The following EBF3 variants were observed in gnomAD, a reference collection of about 807,000 sequenced individuals.
The protein encoded by EBF3 is EBF transcription factor 3.
EBF3 carries 18 observed loss-of-function variants against 77.1 expected under a neutral mutation model. The observed-to-expected ratio is 0.23, with a 90% confidence interval of 0.16 to 0.35. The LOEUF (loss-of-function observed/expected upper bound fraction) is 0.35. Among genes scored for constraint, EBF3 ranks in the 10% least tolerant of loss-of-function variants. EBF3 has a pLI of 1.00. For synonymous variants in EBF3, 350 were observed against 343.5 expected, an observed-to-expected ratio of 1.02 and a Z score of -0.21; for missense variants, 558 against 860.0, an observed-to-expected ratio of 0.65 and a Z score of 4.39.
At chr10:129,900,842 G>A (rs1423752775) in intron 6 of EBF3, among the ~76,000 whole-genome samples, 2 of 152,332 alleles carry the variant, frequency 1.3e-5, no homozygotes, top group African/African-American at 2.4e-5. Flanking sequence ...CCATGGGAGG[G>A]CACCTCAGAG....
intron 6 of EBF3, among the ~76,000 whole-genome samples, chr10:129,888,088 GAGA>G (rs1296412276): frequency 6.6e-6 from 1 of 152,224 alleles, no homozygotes; most frequent in African/African-American, 2.4e-5. Context: ...CTTGCACAGG[GAGA>G]AGAACAGTTT....
At chr10:129,951,474 G>C (rs1425048513) in intron 6 of EBF3, among the ~76,000 whole-genome samples, 1 of 152,252 alleles carries the variant, frequency 6.6e-6, no homozygotes, top group Non-Finnish European at 1.5e-5. Flanking sequence ...GCAGGGCCTG[G>C]GGAAGGCAAC....
chr10:129,840,152 G>A, intron 15 of EBF3, 93 bp downstream of exon 15: 3 of 1,439,626 alleles, frequency 2.1e-6, no homozygotes, highest in Non-Finnish European at 1.9e-6. Context: ...CAGTCACAGA[G>A]GTGCCAGGAG....
At chr10:129,868,904 C>T (rs886588591) in intron 8 of EBF3, among the ~76,000 whole-genome samples, 1 of 152,224 alleles carries the variant, frequency 6.6e-6, no homozygotes, top group Non-Finnish European at 1.5e-5. Context: ...GCCAAAGCCT[C>T]GGAGCCTGTC....
At chr10:129,895,970 T>C (rs1191058947) in intron 6 of EBF3, among the ~76,000 whole-genome samples, 1 of 152,244 alleles carries the variant, frequency 6.6e-6, no homozygotes. Context: ...GAAGAAATGC[T>C]GTACAGGTTT....
chr10:129,961,348 G>A (rs576432473), intron 4 of EBF3, among the ~76,000 whole-genome samples: 45 of 152,228 alleles, frequency 3.0e-4, no homozygotes, highest in African/African-American at 9.4e-4. Context: ...GGGGCGGGGG[G>A]AAATCTTTAA....
At chr10:129,883,844 G>C (rs1157469621) in intron 6 of EBF3, among the ~76,000 whole-genome samples, 1 of 152,182 alleles carries the variant, frequency 6.6e-6, no homozygotes, top group Non-Finnish European at 1.5e-5. Flanking sequence ...AGATGGTGGT[G>C]ATGGTTGCAC....
At chr10:129,868,917 C>T (rs1852219195) in intron 8 of EBF3, among the ~76,000 whole-genome samples, 1 of 152,246 alleles carries the variant, frequency 6.6e-6, no homozygotes, top group Non-Finnish European at 1.5e-5. Flanking sequence ...AGCCTGTCAC[C>T]TGCAGGGCTT....
intron 6 of EBF3, among the ~76,000 whole-genome samples, chr10:129,903,282 A>G (rs537316592): frequency 1.3e-5 from 2 of 152,340 alleles, no homozygotes; most frequent in Admixed American, 1.3e-4. Context: ...TTTCCAAAGT[A>G]ATATTATTTT....
At chr10:129,890,284 A>C (rs1366043178) in intron 6 of EBF3, among the ~76,000 whole-genome samples, 2 of 152,174 alleles carry the variant, frequency 1.3e-5, no homozygotes, top group African/African-American at 4.8e-5. Context: ...GGTACAAGTG[A>C]CCCTGAACTG....
chr10:129,908,337 T>C (rs1298478408), intron 6 of EBF3, among the ~76,000 whole-genome samples: 1 of 152,196 alleles, frequency 6.6e-6, no homozygotes, highest in East Asian at 1.9e-4. Context: ...AGTGGACAAT[T>C]ACTATTGGCA....
chr10:129,862,291 T>G (rs1020696055), intron 10 of EBF3, among the ~76,000 whole-genome samples: 3 of 152,210 alleles, frequency 2.0e-5, no homozygotes, highest in Non-Finnish European at 2.9e-5. Flanking sequence ...ATCACTTTTA[T>G]GTTCCCATCT....
intron 6 of EBF3, among the ~76,000 whole-genome samples, chr10:129,880,813 C>T (rs927576275): frequency 6.6e-6 from 1 of 152,218 alleles, no homozygotes; most frequent in Admixed American, 6.5e-5. Context: ...TAGTTTTGGT[C>T]ATGTCTGAGT....
In EBF3 at chr10:129,877,632, C is replaced by G. The variant is rs1001589182; in HGVS notation, c.636+136G>C. ...AAGCATTTTATTTGCATATTTTTAT[C>G]AAATGCACCAATTCCAGTTTGCTTC... is the stretch of plus-strand genomic sequence containing the variant. On this transcript the variant is annotated intron_variant, in intron 7 of 16. Transcript: ENST00000440978. The G allele has an allele frequency of 4.5e-6, 3 of 660,408 alleles. No individual in the cohort carries two copies. The African/African-American group carries it at 5.5e-5, about 12-fold the overall frequency. 40.9% of individuals were successfully genotyped at this position (660,408 alleles called of 1,614,324 possible). A position where few individuals can be genotyped will look rare whatever the true frequency, so the allele number is the denominator to read the frequency against.
chr10:129,959,531 G>T (rs887359331), intron 4 of EBF3, among the ~76,000 whole-genome samples: 3 of 151,932 alleles, frequency 2.0e-5, no homozygotes, highest in Non-Finnish European at 2.9e-5. Flanking sequence ...GCCAAGGGCC[G>T]AGGGCCGCGC....
At chr10:129,941,052 G>C (rs1390991759) in intron 6 of EBF3, among the ~76,000 whole-genome samples, 1 of 152,204 alleles carries the variant, frequency 6.6e-6, no homozygotes, top group Non-Finnish European at 1.5e-5. Context: ...ACGTGAGGGA[G>C]AGCCCGCCCA....
chr10:129,902,471 C>T (rs11017007), intron 6 of EBF3, among the ~76,000 whole-genome samples: 85,044 of 151,462 alleles, frequency 0.56, 24,235 homozygotes, highest in East Asian at 0.7. Context: ...ATCTGGGAGG[C>T]ACATCCATAT....
At chr10:129,924,155 C>T (rs1206573845) in intron 6 of EBF3, among the ~76,000 whole-genome samples, 3 of 152,198 alleles carry the variant, frequency 2.0e-5, no homozygotes, top group Non-Finnish European at 4.4e-5. Context: ...AGGCTCATGC[C>T]TGTAATCTCA....
At chr10:129,852,764 C>T (rs570710242) in intron 10 of EBF3, among the ~76,000 whole-genome samples, 1 of 152,228 alleles carries the variant, frequency 6.6e-6, no homozygotes, top group South Asian at 2.1e-4. Flanking sequence ...CCAGTGAGCA[C>T]TTTCTACAAA....
Sources: gnomAD v4.1 joint callset for allele counts (sites outside exome capture counted in the v4.1 genomes callset) on GRCh38, gnomAD v4.1.1 for gene constraint, MANE v1.5 for transcripts, NCBI Gene and HGNC (gene_info 2026-07-23, HGNC 2026-07-21) for gene names.